The following WNT9B variants were observed in gnomAD, a reference collection of about 807,000 sequenced individuals.
The protein encoded by WNT9B is protein Wnt-9b.
A neutral mutation model predicts 30.2 loss-of-function variants in WNT9B; 12 were observed. That is an observed-to-expected ratio of 0.40 (90% CI 0.26 to 0.64). The LOEUF (loss-of-function observed/expected upper bound fraction) is 0.64, where lower values mean the gene tolerates loss of function less well. Among genes scored for constraint, WNT9B ranks in the 30% least tolerant of loss-of-function variants. WNT9B has a pLI of 0.42. For missense variants in WNT9B, 442 were observed against 485.2 expected, an observed-to-expected ratio of 0.91 and a Z score of 0.84; for synonymous variants, 218 against 216.9, an observed-to-expected ratio of 1.01 and a Z score of -0.05.
rs979098088 is a variant in WNT9B, at chr17:46,879,280, G to T, written c.*2562G>T. ...CCCCCACTGAGCAGGAGGCCGGGTC[G>T]CTGGGAAGGAGGACAAACCTGTATT... On this transcript the variant is annotated 3_prime_UTR_variant, in exon 4 of 4. Coordinates refer to ENST00000290015, the MANE Select transcript of WNT9B (RefSeq NM_003396.3). Among the ~76,000 whole-genome samples, 1 of 152,134 alleles carries T rather than the reference G, an allele frequency of 6.6e-6. No homozygotes were observed. The highest frequency in any genetic ancestry group is 2.4e-5 in the African/African-American group (1 of 41,416).
chr17:46,883,727 G>A (rs77720351), downstream of WNT9B, among the ~76,000 whole-genome samples: 4,416 of 152,280 alleles, frequency 0.029, 89 homozygotes, highest in Middle Eastern at 0.061. Flanking sequence ...ACAGAGAGAC[G>A]GGGTATGAGG....
chr17:46,853,390 AAGACGG>A (rs2084888186), intron 1 of WNT9B, among the ~76,000 whole-genome samples: 4 of 34,738 alleles, frequency 1.2e-4, no homozygotes, highest in Non-Finnish European at 1.9e-4. Context: ...TTTTTTTTTT[AAGACGG>A]AGTCTCCCTC....
chr17:46,835,985 G>A (rs2084623927), intron 1 of WNT9B, among the ~76,000 whole-genome samples: 1 of 152,108 alleles, frequency 6.6e-6, no homozygotes, highest in South Asian at 2.1e-4. Flanking sequence ...GGGAGACCCT[G>A]GACCTTAAAG....
intron 1 of WNT9B, among the ~76,000 whole-genome samples, chr17:46,858,855 T>C (rs2084984063): frequency 1.3e-5 from 2 of 151,994 alleles, no homozygotes; most frequent in Non-Finnish European, 1.5e-5. Context: ...TTTGTAGAGA[T>C]GGGGTTTTGC....
intron 1 of WNT9B, among the ~76,000 whole-genome samples, chr17:46,834,184 G>A (rs2084594183): frequency 6.6e-6 from 1 of 152,154 alleles, no homozygotes; most frequent in Non-Finnish European, 1.5e-5. Flanking sequence ...GATGGAGTGA[G>A]ACCCTGTTTC....
chr17:46,883,445 G>A (rs2085450523), downstream of WNT9B, among the ~76,000 whole-genome samples: 1 of 150,264 alleles, frequency 6.7e-6, no homozygotes, highest in African/African-American at 2.5e-5. Flanking sequence ...CCCCACGCCC[G>A]GCCTTATTTT....
upstream of WNT9B, among the ~76,000 whole-genome samples, chr17:46,849,452 G>A (rs4968278): frequency 6.6e-6 from 1 of 152,098 alleles, no homozygotes; most frequent in Non-Finnish European, 1.5e-5. Context: ...TGCCTAGGGG[G>A]TGTGGCTGGG....
chr17:46,845,378 G>A (rs1241330784), intron 1 of WNT9B, among the ~76,000 whole-genome samples: 1 of 152,058 alleles, frequency 6.6e-6, no homozygotes, highest in Non-Finnish European at 1.5e-5. Context: ...CAGGGCTGGG[G>A]TGGGGGTTAT....
At chr17:46,838,822 G>T (rs1432969731) in intron 1 of WNT9B, among the ~76,000 whole-genome samples, 1 of 152,148 alleles carries the variant, frequency 6.6e-6, no homozygotes, top group African/African-American at 2.4e-5. Flanking sequence ...TGTGCACAGA[G>T]AGGGGATTAC....
chr17:46,839,934 TTCTTTCTTTCTTTC>T (rs2084681980), intron 1 of WNT9B, among the ~76,000 whole-genome samples: 1 of 147,734 alleles, frequency 6.8e-6, no homozygotes, highest in East Asian at 2.0e-4. Flanking sequence ...CTTTCTTTCT[TTCTTTCTTTCTTTC>T]TTTCTTTCTT....
chr17:46,866,975 C>T (rs2085150746), intron 1 of WNT9B, among the ~76,000 whole-genome samples: 2 of 152,208 alleles, frequency 1.3e-5, no homozygotes, highest in African/African-American at 4.8e-5. Context: ...TTGCCTCCTC[C>T]TCACCCCCAG....
At chr17:46,862,180 GAAAAA>G (rs2085051749) in intron 1 of WNT9B, among the ~76,000 whole-genome samples, 3 of 143,954 alleles carry the variant, frequency 2.1e-5, no homozygotes, top group African/African-American at 7.8e-5. Context: ...AAAAAAAAAA[GAAAAA>G]GAAAAAGAAA....
chr17:46,840,185 C>A (rs1415844950), intron 1 of WNT9B, among the ~76,000 whole-genome samples: 2 of 151,744 alleles, frequency 1.3e-5, no homozygotes, highest in Admixed American at 6.6e-5. Flanking sequence ...CTCCTGGATT[C>A]ATGCCATTCT....
chr17:46,854,743 C>A (rs1027331639), intron 1 of WNT9B, among the ~76,000 whole-genome samples: 1 of 152,044 alleles, frequency 6.6e-6, no homozygotes, highest in Non-Finnish European at 1.5e-5. Flanking sequence ...TCACTGCAAC[C>A]GCCACCTCCT....
intron 1 of WNT9B, among the ~76,000 whole-genome samples, chr17:46,868,670 C>G (rs866441782): frequency 3.2e-4 from 49 of 152,168 alleles, no homozygotes; most frequent in African/African-American, 1.2e-3. Context: ...ACTAAGGAAG[C>G]CCACTTGAAT....
intron 1 of WNT9B, among the ~76,000 whole-genome samples, chr17:46,840,152 T>C (rs773129752): frequency 2.6e-4 from 40 of 151,036 alleles, no homozygotes; most frequent in Admixed American, 7.3e-4. Flanking sequence ...AGTGGTGTGA[T>C]CTCGGCTCAC....
upstream of WNT9B, among the ~76,000 whole-genome samples, chr17:46,849,147 G>C (rs1402914609): frequency 6.6e-6 from 1 of 152,164 alleles, no homozygotes; most frequent in East Asian, 1.9e-4. Context: ...CCCAAGGGTG[G>C]GGCCACGCCA....
chr17:46,883,269 A>T (rs553186860), downstream of WNT9B, among the ~76,000 whole-genome samples: 3 of 148,134 alleles, frequency 2.0e-5, no homozygotes, highest in East Asian at 6.0e-4. Context: ...GGCGTGAGCT[A>T]CTGCGCCCGG....
chr17:46,869,339 A>G (rs1439068949), intron 1 of WNT9B, among the ~76,000 whole-genome samples: 2 of 152,204 alleles, frequency 1.3e-5, no homozygotes, highest in Non-Finnish European at 2.9e-5. Flanking sequence ...CTCCAAGGCA[A>G]CACTGGCCAT....
Sources: allele counts gnomAD v4.1 joint callset (sites outside exome capture counted in the v4.1 genomes callset), GRCh38; gene constraint gnomAD v4.1.1; transcripts MANE v1.5; gene names NCBI Gene and HGNC (gene_info 2026-07-23, HGNC 2026-07-21).